Variants in ZBTB25 observed in about 807,000 individuals in gnomAD.
The protein encoded by ZBTB25 is zinc finger and BTB domain containing 25, also known as zinc finger and BTB domain-containing protein 25.
ZBTB25 carries 20 observed loss-of-function variants against 34.2 expected under a neutral mutation model. The observed-to-expected ratio is 0.58, with a 90% confidence interval of 0.41 to 0.85. The LOEUF is 0.85. Ranked by LOEUF, ZBTB25 falls within the 40% of genes least tolerant of loss-of-function variation. ZBTB25 has a pLI of 0.00. For missense variants in ZBTB25, 437 were observed against 521.8 expected (o/e 0.84, Z 1.58); for synonymous variants, 175 against 186.4 (o/e 0.94, Z 0.50).
At chr14:64,460,033 C>CTGTTAAGGCTGTAA in intron 2 of ZBTB25, 2 of 982,444 alleles carry the variant, frequency 2.0e-6, no homozygotes, top group Non-Finnish European at 3.0e-6. Flanking sequence ...GAATTACAGC[C>CTGTTAAGGCTGTAA]TTAACAGACT....
rs144140206 is a variant in ZBTB25 at position 64,479,288 on chromosome 14, G to A, written c.*7635C>T. On this transcript the variant is annotated 3_prime_UTR_variant, in exon 3 of 3. Transcript: ENST00000608382. ...TACATATTCTGTATTGCGGGAGGCT[G>A]TCCTCTGCACTGAGATGTTTAGCAG... The A allele has an allele frequency of 6.6e-6, 1 of 152,300 alleles. No individual in the cohort carries two copies. Among genetic ancestry groups the A allele is most frequent in the African/African-American group, 2.4e-5 (1 of 41,552 alleles). 9.4% of individuals were successfully genotyped at this position (152,300 alleles called of 1,614,324 possible).
intron 2 of ZBTB25, chr14:64,459,960 T>C (rs2078535397): frequency 2.0e-6 from 3 of 1,513,668 alleles, no homozygotes; most frequent in Non-Finnish European, 2.7e-6. Flanking sequence ...TGCATGTCTG[T>C]TTACTTTAGT....
At chr14:64,450,834 AGT>A (rs200717274) in intron 2 of ZBTB25, among the ~76,000 whole-genome samples, 4,381 of 152,134 alleles carry the variant, frequency 0.029, 188 homozygotes, top group African/African-American at 0.1. Flanking sequence ...CAGCCCCCTG[AGT>A]AGGTGGGACC....
At position 64,485,776 on chromosome 14, in the gene ZBTB25, TA is replaced by T. The variant is rs1305399803; in HGVS notation, c.*1146del. 1.0e-6 allele frequency: 1 copy of T among 985,318 alleles called. No individual in the cohort carries two copies. Among genetic ancestry groups the T allele is most frequent in the Non-Finnish European group, 1.2e-6 (1 of 829,936 alleles). The allele number at this position is 985,318 out of a possible 1,614,324, so 61.0% of individuals were successfully genotyped here. A position where few individuals can be genotyped will look rare whatever the true frequency, so the allele number is the denominator to read the frequency against. On this transcript the variant is annotated 3_prime_UTR_variant, in exon 3 of 3. Coordinates refer to ENST00000608382, the MANE Select transcript of ZBTB25 (RefSeq NM_006977.5). The stretch of plus-strand genomic sequence containing the variant: ...TGACGCTGAGGGTAGAAACATGATT[TA>T]TATTTTATCATCATTCTCTTTCAAC...
At chr14:64,469,897 A>G in intron 2 of ZBTB25, 1 of 429,540 alleles carries the variant, frequency 2.3e-6, no homozygotes. Context: ...CACAGATTGC[A>G]GTGTAAAATG....
Position 64,486,326 on chromosome 14 carries a change from T to A in ZBTB25, c.*597A>T, listed in dbSNP as rs1282221076. The A allele has an allele frequency of 1.0e-6, 1 of 984,490 alleles. No homozygotes were observed. Among genetic ancestry groups the A allele is most frequent in the African/African-American group, 1.8e-5 (1 of 57,118 alleles). The allele number at this position is 984,490 out of a possible 1,614,324, so 61.0% of individuals were successfully genotyped here. A position where few individuals can be genotyped will look rare whatever the true frequency, so the allele number is the denominator to read the frequency against. On this transcript the variant is annotated 3_prime_UTR_variant, in exon 3 of 3. Transcript: ENST00000608382. ...CAAAAAAAAAAAGAGGTATACTCAA[T>A]GTTAAAAAGTAAAGAGAAGCCATGT...
chr14:64,457,420 T>G (rs976433491), intron 2 of ZBTB25, among the ~76,000 whole-genome samples: 2 of 152,048 alleles, frequency 1.3e-5, no homozygotes, highest in African/African-American at 2.4e-5. Context: ...TGGCATTTGG[T>G]TTGCAGAAGG....
chr14:64,479,946 CCTGA>C lies in ZBTB25; in HGVS notation c.*6973_*6976del, dbSNP rs938296175. The C allele has an allele frequency of 4.0e-4, 61 of 152,600 alleles. No individual in the cohort carries two copies. Among genetic ancestry groups the C allele is most frequent in the African/African-American group, 1.4e-3 (57 of 41,568 alleles). The allele number at this position is 152,600 out of a possible 1,614,324, so 9.5% of individuals were successfully genotyped here. The stretch of plus-strand genomic sequence containing the variant: ...TTGTTTCTTTCTTTTTCTGGAGAAT[CCTGA>C]CTAATATACCTCAGTTGAGAACTAC... On this transcript the variant is annotated 3_prime_UTR_variant, in exon 3 of 3. Coordinates refer to ENST00000608382, the MANE Select transcript of ZBTB25 (RefSeq NM_006977.5).
intron 1 of ZBTB25, among the ~76,000 whole-genome samples, chr14:64,491,724 C>A (rs1357491392): frequency 1.3e-5 from 2 of 152,068 alleles, no homozygotes; most frequent in African/African-American, 4.8e-5. Context: ...GTACTTTAGG[C>A]AGAAGGTAGC....
intron 2 of ZBTB25, among the ~76,000 whole-genome samples, chr14:64,452,435 G>A (rs1385120736): frequency 6.6e-6 from 1 of 152,110 alleles, no homozygotes; most frequent in African/African-American, 2.4e-5. Context: ...CAACCTCTCC[G>A]TATGCTGTTC....
At chr14:64,474,951 CTA>C (rs2078706076), downstream of ZBTB25, among the ~76,000 whole-genome samples, 1 of 152,164 alleles carries the variant, frequency 6.6e-6, no homozygotes, top group African/African-American at 2.4e-5. Context: ...TGTTAACACT[CTA>C]TCTTTTCGTA....
At chr14:64,464,427 A>G (rs2078588810) in intron 2 of ZBTB25, among the ~76,000 whole-genome samples, 1 of 152,142 alleles carries the variant, frequency 6.6e-6, no homozygotes, top group South Asian at 2.1e-4. Flanking sequence ...TTGACAGCTT[A>G]TATTTGGCTT....
intron 2 of ZBTB25, among the ~76,000 whole-genome samples, chr14:64,455,979 T>C (rs1393920638): frequency 6.6e-6 from 1 of 152,224 alleles, no homozygotes; most frequent in Non-Finnish European, 1.5e-5. Context: ...TCCCTTGTGG[T>C]AGGAATTTTC....
intron 1 of ZBTB25, among the ~76,000 whole-genome samples, chr14:64,496,379 G>A (rs1231640625): frequency 2.6e-5 from 4 of 152,072 alleles, no homozygotes; most frequent in South Asian, 2.1e-4. Flanking sequence ...CAGCTACTCG[G>A]GAGGCTGAGG....
At chr14:64,470,634 A>G (rs2045024) in intron 2 of ZBTB25, 43,312 of 164,010 alleles carry the variant, frequency 0.26, 6,061 homozygotes, top group East Asian at 0.41. Context: ...AAATCCTTCA[A>G]TCAGGCAAAT....
intron 1 of ZBTB25, chr14:64,503,068 G>T: frequency 1.0e-6 from 1 of 985,432 alleles, no homozygotes; most frequent in Non-Finnish European, 1.2e-6. Context: ...TCCGCAACTG[G>T]TAACAACTGA....
At chr14:64,450,536 G>T (rs749147925) in intron 2 of ZBTB25, among the ~76,000 whole-genome samples, 3 of 152,168 alleles carry the variant, frequency 2.0e-5, no homozygotes, top group Admixed American at 6.5e-5. Flanking sequence ...TCAGGAAAAG[G>T]TTCTTATTAT....
Position 64,454,247 on chromosome 14 carries a change from C to T in ZBTB25, c.174-4609G>A, listed in dbSNP as rs60714679. 9.7e-3 allele frequency among the ~76,000 whole-genome samples: 1,477 copies of T among 152,144 alleles called. 20 individuals are homozygous for T. Among genetic ancestry groups the T allele is most frequent in the African/African-American group, 0.033 (1,383 of 41,488 alleles). On this transcript the variant is annotated intron_variant, in intron 2 of 2. Coordinates refer to the ZBTB25 transcript ENST00000555220. Reference sequence around the variant, plus strand: ...CCCACCTCAGCCTCCTGAGTAGCTGCGCCTACAGGCACGCACCACCACACC... The same window carrying T: ...CCCACCTCAGCCTCCTGAGTAGCTGTGCCTACAGGCACGCACCACCACACC...
At chr14:64,466,396 G>C (rs1363531482) in intron 2 of ZBTB25, among the ~76,000 whole-genome samples, 2 of 152,096 alleles carry the variant, frequency 1.3e-5, no homozygotes, top group Non-Finnish European at 2.9e-5. Flanking sequence ...GCGCAATCCA[G>C]GTTAGTTTCC....
Sources: gnomAD v4.1 joint callset for allele counts (sites outside exome capture counted in the v4.1 genomes callset) on GRCh38, gnomAD v4.1.1 for gene constraint, MANE v1.5 for transcripts, NCBI Gene and HGNC (gene_info 2026-07-23, HGNC 2026-07-21) for gene names.